The following TTLL5 variants were observed in gnomAD, a reference collection of about 807,000 sequenced individuals.
The protein encoded by TTLL5 is tubulin tyrosine ligase like 5.
In TTLL5, 132 loss-of-function variants were observed where a neutral mutation model predicts 168.4. The ratio of observed to expected loss-of-function variants is 0.78; its 90% confidence interval spans 0.68 to 0.91. The LOEUF (loss-of-function observed/expected upper bound fraction) is 0.91, where lower values mean the gene tolerates loss of function less well. Among genes scored for constraint, TTLL5 ranks in the 40% least tolerant of loss-of-function variants. TTLL5 has a pLI of 0.00. For synonymous variants in TTLL5, 546 were observed against 558.6 expected (o/e 0.98, Z 0.32); for missense variants, 1,545 against 1,581.5 (o/e 0.98, Z 0.39).
intron 6 of TTLL5, among the ~76,000 whole-genome samples, chr14:75,692,165 C>A (rs1485011300): frequency 6.6e-6 from 1 of 152,148 alleles, no homozygotes; most frequent in Non-Finnish European, 1.5e-5. Flanking sequence ...ATTGCTGGTG[C>A]TGACCTTATA....
At chr14:75,938,140 T>A (rs550049463) in intron 31 of TTLL5, among the ~76,000 whole-genome samples, 1 of 152,348 alleles carries the variant, frequency 6.6e-6, no homozygotes, top group African/African-American at 2.4e-5. Flanking sequence ...AAAATTAGCA[T>A]CATGGATGAG....
At chr14:75,790,828 G>A (rs994177752) in intron 26 of TTLL5, among the ~76,000 whole-genome samples, 3 of 150,184 alleles carry the variant, frequency 2.0e-5, no homozygotes, top group Non-Finnish European at 4.4e-5. Flanking sequence ...CGGGTGCGGT[G>A]GCTCACGCTT....
chr14:75,683,935 G>A (rs1355624280), intron 5 of TTLL5: 5 of 280,954 alleles, frequency 1.8e-5, no homozygotes, highest in Non-Finnish European at 7.0e-6. Context: ...CACCATGCCC[G>A]GCTAATTTTT....
intron 28 of TTLL5, among the ~76,000 whole-genome samples, chr14:75,854,237 A>G (rs148966253): frequency 1.4e-4 from 22 of 151,964 alleles, no homozygotes; most frequent in Non-Finnish European, 3.1e-4. Context: ...GACTCCTCTC[A>G]CTGTAGATTT....
chr14:75,936,176 CAT>C lies in TTLL5; in HGVS notation c.3824-18245_3824-18244del, dbSNP rs374772075. On this transcript the variant is annotated intron_variant, in intron 31 of 31. Coordinates refer to ENST00000298832, the MANE Select transcript of TTLL5 (RefSeq NM_015072.5). Reference sequence around the variant, plus strand: ...TTTTTCACTTAATCATCACAACAATCATATGAGAAATACTTCTTAAACTGCCA... The same window carrying C: ...TTTTTCACTTAATCATCACAACAATCATGAGAAATACTTCTTAAACTGCCA... Among the ~76,000 whole-genome samples, 60 of 152,124 alleles carry C rather than the reference CAT, an allele frequency of 3.9e-4. No individual in the cohort carries two copies. In the South Asian group the frequency reaches 0.01, roughly 26 times the overall value.
intron 12 of TTLL5, among the ~76,000 whole-genome samples, chr14:75,725,192 T>C (rs1159822521): frequency 2.0e-5 from 3 of 152,216 alleles, no homozygotes; most frequent in South Asian, 4.1e-4. Flanking sequence ...TTTCACAGGG[T>C]AACCTGAGGT....
intron 10 of TTLL5, among the ~76,000 whole-genome samples, chr14:75,719,320 A>G (rs1490704785): frequency 6.6e-6 from 1 of 152,136 alleles, no homozygotes; most frequent in Non-Finnish European, 1.5e-5. Flanking sequence ...ACCCATTCCA[A>G]CTCAGTTCTG....
At chr14:75,836,718 A>T (rs1244676887) in intron 28 of TTLL5, among the ~76,000 whole-genome samples, 1 of 152,164 alleles carries the variant, frequency 6.6e-6, no homozygotes, top group East Asian at 1.9e-4. Flanking sequence ...TAAAAATAAA[A>T]TATATGTAAT....
Position 75,787,675 on chromosome 14 carries a change from C to A in TTLL5, c.2986+4145C>A, listed in dbSNP as rs950651784. Among the ~76,000 whole-genome samples, 7 of 151,966 alleles carry A rather than the reference C, an allele frequency of 4.6e-5. No individual in the cohort carries two copies. In the South Asian group the frequency reaches 8.3e-4, roughly 18 times the overall value. The stretch of plus-strand genomic sequence containing the variant: ...ATTATTTATTGATAATATATAGGAC[C>A]GTGTACCCAATAATTAGACAAAACG... On this transcript the variant is annotated intron_variant, in intron 26 of 31. Transcript: ENST00000298832.
At chr14:75,734,515 T>C (rs1888763840) in intron 14 of TTLL5, among the ~76,000 whole-genome samples, 1 of 151,972 alleles carries the variant, frequency 6.6e-6, no homozygotes, top group Admixed American at 6.5e-5. Context: ...CGCAGTCAGG[T>C]GGGTATTTTG....
At chr14:75,820,488 G>GT (rs531874430) in intron 28 of TTLL5, 1,423 of 182,996 alleles carry the variant, frequency 7.8e-3, no homozygotes, top group East Asian at 0.014. Context: ...TTGTCTCTTA[G>GT]TTTTTTTTTT....
At chr14:75,717,688 A>G (rs1887564384) in intron 9 of TTLL5, 173 bp from the exon 10 acceptor site, 1 of 592,528 alleles carries the variant, frequency 1.7e-6, no homozygotes, top group African/African-American at 1.9e-5. Context: ...TAAGGATTGA[A>G]TTAAGTATGA....
chr14:75,717,071 C>G (rs1357225576), intron 9 of TTLL5, among the ~76,000 whole-genome samples: 1 of 151,882 alleles, frequency 6.6e-6, no homozygotes, highest in Non-Finnish European at 1.5e-5. Context: ...GCTGTGCTGT[C>G]ATTTTTTCTT....
chr14:75,929,472 G>A (rs1232019599), intron 31 of TTLL5, among the ~76,000 whole-genome samples: 2 of 137,628 alleles, frequency 1.5e-5, no homozygotes, highest in Non-Finnish European at 3.1e-5. Flanking sequence ...TTTTGGTGGG[G>A]ATGGAGTCTC....
intron 4 of TTLL5, among the ~76,000 whole-genome samples, chr14:75,682,026 C>T (rs1423529317): frequency 6.6e-6 from 1 of 151,594 alleles, no homozygotes; most frequent in Non-Finnish European, 1.5e-5. Context: ...CCCGTCTCTA[C>T]TAAAAATACA....
intron 7 of TTLL5, among the ~76,000 whole-genome samples, chr14:75,701,261 TG>T (rs1417342610): frequency 6.6e-6 from 1 of 152,216 alleles, no homozygotes; most frequent in African/African-American, 2.4e-5. Flanking sequence ...TGGAAATTTT[TG>T]TAAAGTTCTC....
At chr14:75,679,281 G>C (rs1884414905) in intron 3 of TTLL5, among the ~76,000 whole-genome samples, 1 of 152,186 alleles carries the variant, frequency 6.6e-6, no homozygotes, top group African/African-American at 2.4e-5. Context: ...CCAGAGTGTT[G>C]TGATGTGAAA....
chr14:75,792,903 T>G lies in TTLL5; in HGVS notation c.2987-13T>G. 6.5e-7 allele frequency: 1 copy of G among 1,528,894 alleles called. No individual in the cohort carries two copies. The highest frequency in any genetic ancestry group is 8.8e-7 in the Non-Finnish European group (1 of 1,131,664). The allele number at this position is 1,528,894 out of a possible 1,614,324, so 94.7% of individuals were successfully genotyped here. On this transcript the variant is annotated splice_polypyrimidine_tract_variant and intron_variant, in intron 26 of 31. Coordinates refer to ENST00000298832, the MANE Select transcript of TTLL5 (RefSeq NM_015072.5). ...TTTCCTAAATGAGTGAAAACTTTTC[T>G]CCGTTTTAGCAGGATCGTGCTATCT...
At chr14:75,922,575 A>T (rs1275728342) in intron 31 of TTLL5, among the ~76,000 whole-genome samples, 1 of 152,172 alleles carries the variant, frequency 6.6e-6, no homozygotes, top group East Asian at 1.9e-4. Context: ...CATCCCAGGG[A>T]TGAACACTTG....
Sources: allele counts gnomAD v4.1 joint callset (sites outside exome capture counted in the v4.1 genomes callset), GRCh38; gene constraint gnomAD v4.1.1; transcripts MANE v1.5; gene names NCBI Gene and HGNC (gene_info 2026-07-23, HGNC 2026-07-21).